The following ARHGAP6 variants were observed in gnomAD, a reference collection of about 807,000 sequenced individuals.
ARHGAP6 encodes the protein rho GTPase-activating protein 6.
In ARHGAP6, 16 loss-of-function variants were observed where a neutral mutation model predicts 55.7. The ratio of observed to expected loss-of-function variants is 0.29; its 90% CI spans 0.19 to 0.44. The LOEUF (loss-of-function observed/expected upper bound fraction) is 0.44, where lower values mean the gene tolerates loss of function less well. Among genes scored for constraint, ARHGAP6 ranks in the 20% least tolerant of loss-of-function variants. The probability of loss-of-function intolerance (pLI) is 1.00; values close to 1 mark genes in which losing one functional copy is unlikely to be tolerated. For missense variants in ARHGAP6, 698 were observed against 808.9 expected, an observed-to-expected ratio of 0.86 and a Z score of 1.66; for synonymous variants, 382 against 360.9, an observed-to-expected ratio of 1.06 and a Z score of -0.66.
intron 1 of ARHGAP6, among the ~76,000 whole-genome samples, chrX:11,380,287 T>C (rs5933881): frequency 0.022 from 2,415 of 111,598 alleles, 33 homozygotes; most frequent in Middle Eastern, 0.069. Context: ...CCTTCTTAAG[T>C]AGAGAAAATA....
intron 1 of ARHGAP6, among the ~76,000 whole-genome samples, chrX:11,326,575 A>G (rs2048502080): frequency 8.9e-6 from 1 of 112,104 alleles, no homozygotes; most frequent in Non-Finnish European, 1.9e-5. Flanking sequence ...ACTATAAAAC[A>G]GGAATCACTT....
At chrX:11,317,491 A>G (rs2048372803) in intron 1 of ARHGAP6, among the ~76,000 whole-genome samples, 1 of 112,450 alleles carries the variant, frequency 8.9e-6, no homozygotes, top group African/African-American at 3.2e-5. Flanking sequence ...GAGGGACATA[A>G]AATGAAGAGC....
At chrX:11,222,538 C>A (rs937244958) in intron 2 of ARHGAP6, among the ~76,000 whole-genome samples, 2 of 112,077 alleles carry the variant, frequency 1.8e-5, no homozygotes, top group African/African-American at 6.5e-5. Flanking sequence ...TGCAGTAATA[C>A]AGTTTTCAGA....
At chrX:11,597,966 T>C (rs5979429) in intron 1 of ARHGAP6, among the ~76,000 whole-genome samples, 19,265 of 111,243 alleles carry the variant, frequency 0.17, 1,348 homozygotes, top group Middle Eastern at 0.23. Flanking sequence ...AAAAAATCAC[T>C]CAAATAACAA....
At chrX:11,646,153 C>T (rs1408671443) in intron 1 of ARHGAP6, among the ~76,000 whole-genome samples, 1 of 111,237 alleles carries the variant, frequency 9.0e-6, no homozygotes, top group Non-Finnish European at 1.9e-5. Flanking sequence ...CTTATAAAAC[C>T]ATCAGGTCTC....
Position 11,403,508 on chromosome X carries a change from T to C in ARHGAP6, c.589-148801A>G, listed in dbSNP as rs772571035. On this transcript the variant is annotated intron_variant, in intron 1 of 12. Coordinates refer to ENST00000337414, the MANE Select transcript of ARHGAP6 (RefSeq NM_013427.3). ...GCATATTAAAATAATATTTCAGATA[T>C]ATTAGGTTAAATAAAATATATTACT... is the stretch of plus-strand genomic sequence containing the variant. 4.4e-5 allele frequency among the ~76,000 whole-genome samples: 5 copies of C among 112,567 alleles called. No individual in the cohort carries two copies. The East Asian group carries it at 8.3e-4, about 19-fold the overall frequency.
At chrX:11,156,432 C>A (rs2147286647) in intron 10 of ARHGAP6, 97 bp downstream of exon 10, 1 of 762,401 alleles carries the variant, frequency 1.3e-6, no homozygotes, top group South Asian at 3.1e-5. Context: ...CACTTCAGGT[C>A]ACCCTGCATG....
intron 1 of ARHGAP6, among the ~76,000 whole-genome samples, chrX:11,567,566 A>AAAAAAAAAAAAAAATATATATATATAT (rs1440758737): frequency 2.4e-5 from 2 of 84,401 alleles, no homozygotes; most frequent in African/African-American, 4.7e-5. Flanking sequence ...AAAAAAAAAA[A>AAAAAAAAAAAAAAATATATATATATAT]ATATATATAT....
At chrX:11,318,519 T>C (rs1252347312) in intron 1 of ARHGAP6, 2 of 112,045 alleles carry the variant, frequency 1.8e-5, no homozygotes, top group Non-Finnish European at 3.8e-5. Context: ...CAATCTACTA[T>C]ATTTAAAACA....
rs1569313348 is a variant in ARHGAP6 at position 11,358,429 on chromosome X, G to GTTTCTTTCTTTC, written c.589-103723_589-103722insGAAAGAAAGAAA. Among the ~76,000 whole-genome samples, 155 of 85,466 alleles carry GTTTCTTTCTTTC rather than the reference G, an allele frequency of 1.8e-3. 1 individual carries two copies. Among genetic ancestry groups the GTTTCTTTCTTTC allele is most frequent in the Non-Finnish European group, 3.4e-3 (147 of 43,295 alleles). The allele number at this position is 85,466 out of a possible 115,157, so 74.2% of individuals were successfully genotyped here. A position where few individuals can be genotyped will look rare whatever the true frequency, so the allele number is the denominator to read the frequency against. Reference sequence around the variant, plus strand: ...CATATGGTAGTTCTACGTTTTAACTGTATCTTTCTTTCTTTCTTTCTTTCT... The same window carrying GTTTCTTTCTTTC: ...CATATGGTAGTTCTACGTTTTAACTGTTTCTTTCTTTCTATCTTTCTTTCTTTCTTTCTTTCT... On this transcript the variant is annotated intron_variant, in intron 1 of 12. Coordinates refer to ENST00000337414, the MANE Select transcript of ARHGAP6 (RefSeq NM_013427.3).
At chrX:11,216,441 G>A (rs778382727) in intron 2 of ARHGAP6, among the ~76,000 whole-genome samples, 30 of 111,529 alleles carry the variant, frequency 2.7e-4, no homozygotes, top group African/African-American at 9.8e-4. Flanking sequence ...ATCACTTGAG[G>A]TCAGGAGTTT....
chrX:11,544,996 G>A (rs775125190), intron 1 of ARHGAP6, among the ~76,000 whole-genome samples: 4 of 111,991 alleles, frequency 3.6e-5, no homozygotes, highest in South Asian at 3.7e-4. Flanking sequence ...TATGTTTAAC[G>A]TTCAGCTGGA....
At chrX:11,640,522 G>A (rs939847632) in intron 1 of ARHGAP6, among the ~76,000 whole-genome samples, 3 of 111,703 alleles carry the variant, frequency 2.7e-5, no homozygotes, top group African/African-American at 9.8e-5. Context: ...TTATGTGACG[G>A]GGCAAACACA....
intron 1 of ARHGAP6, among the ~76,000 whole-genome samples, chrX:11,279,584 T>C (rs749163731): frequency 9.0e-6 from 1 of 111,184 alleles, no homozygotes; most frequent in East Asian, 2.8e-4. Context: ...CCCCTTGTCC[T>C]TTGATGTTTT....
chrX:11,309,495 TAGTTCTGAA>T (rs2048273299), intron 1 of ARHGAP6, among the ~76,000 whole-genome samples: 1 of 110,486 alleles, frequency 9.1e-6, no homozygotes, highest in Non-Finnish European at 1.9e-5. Context: ...GGGGAGCTCT[TAGTTCTGAA>T]AGTCCTCCCC....
chrX:11,409,570 A>G (rs2049655240), intron 1 of ARHGAP6, among the ~76,000 whole-genome samples: 2 of 112,216 alleles, frequency 1.8e-5, no homozygotes, highest in Admixed American at 1.9e-4. Context: ...AGGTGGAGGG[A>G]GCCTTTTGTG....
At chrX:11,432,468 G>T (rs2049949427) in intron 1 of ARHGAP6, among the ~76,000 whole-genome samples, 1 of 112,034 alleles carries the variant, frequency 8.9e-6, no homozygotes, top group African/African-American at 3.2e-5. Context: ...CCAAACCCAG[G>T]AATATAATTG....
intron 1 of ARHGAP6, among the ~76,000 whole-genome samples, chrX:11,375,616 G>T (rs1312095034): frequency 8.9e-6 from 1 of 111,992 alleles, no homozygotes; most frequent in East Asian, 2.8e-4. Flanking sequence ...CAGAACATGG[G>T]GCATTTTTAT....
intron 1 of ARHGAP6, among the ~76,000 whole-genome samples, chrX:11,459,888 C>T (rs2050227670): frequency 9.0e-6 from 1 of 110,978 alleles, no homozygotes. Context: ...CTAGGTTGTG[C>T]ATTTAATAGT....
Sources: gnomAD v4.1 joint callset for allele counts (sites outside exome capture counted in the v4.1 genomes callset) on GRCh38, gnomAD v4.1.1 for gene constraint, MANE v1.5 for transcripts, NCBI Gene and HGNC (gene_info 2026-07-23, HGNC 2026-07-21) for gene names.